Variants in MBTPS1 observed in about 807,000 individuals in gnomAD.
MBTPS1 encodes the protein membrane-bound transcription factor site-1 protease.
Under a neutral mutation model 127.8 loss-of-function variants are expected in MBTPS1, and 94 were observed. The ratio of observed to expected loss-of-function variants is 0.74; its 90% CI spans 0.62 to 0.87. The LOEUF (loss-of-function observed/expected upper bound fraction) is 0.87. MBTPS1 is among the 40% of genes least tolerant of loss of function. MBTPS1 has a pLI of 0.00. For synonymous variants in MBTPS1, 632 were observed against 509.4 expected (o/e 1.24, Z -3.24); for missense variants, 1,636 against 1,353.2 (o/e 1.21, Z -3.28).
At chr16:84,080,765 C>G (rs1315383928) in intron 11 of MBTPS1, among the ~76,000 whole-genome samples, 1 of 152,252 alleles carries the variant, frequency 6.6e-6, no homozygotes, top group Non-Finnish European at 1.5e-5. Flanking sequence ...GTCCTCCTAA[C>G]TTTTCGGTGT....
intron 1 of MBTPS1, among the ~76,000 whole-genome samples, chr16:84,112,649 G>T (rs1004903209): frequency 7.4e-6 from 1 of 135,676 alleles, no homozygotes; most frequent in Non-Finnish European, 1.5e-5. Context: ...GCAACAGAGC[G>T]AGACTCGGTC....
At chr16:84,098,331 C>A (rs2086206455) in intron 3 of MBTPS1, among the ~76,000 whole-genome samples, 1 of 152,198 alleles carries the variant, frequency 6.6e-6, no homozygotes, top group Admixed American at 6.5e-5. Context: ...AAAAATCGGG[C>A]TGGGTGCAGT....
At chr16:84,112,425 C>T (rs546729774) in intron 1 of MBTPS1, among the ~76,000 whole-genome samples, 4 of 152,140 alleles carry the variant, frequency 2.6e-5, no homozygotes, top group South Asian at 4.1e-4. Flanking sequence ...TTTGGGAGGC[C>T]GAGGCAGGCG....
rs2086222125 is a variant in MBTPS1, at chr16:84,099,277, G to C, written c.197C>G (p.Ala66Gly). The C allele has an allele frequency of 6.2e-7, 1 of 1,613,944 alleles. No individual in the cohort carries two copies. The highest frequency in any genetic ancestry group is 8.5e-7 in the Non-Finnish European group (1 of 1,179,980). Residue 66 changes from alanine (A) to glycine (G), a missense_variant, in exon 3 of 23, where the codon GCC becomes GGC. By Grantham distance (60) the Ala-to-Gly change is moderately conservative. Transcript: ENST00000343411. ...TGAAATAAATGAATTTCTAGCTTTG[G>C]CTGTAAAGTATCCATTGAAAGCCAC... ...YIVAFNGYFTAKARNSFISSA... is the reference protein window; with the variant it reads ...YIVAFNGYFTGKARNSFISSA...
intron 3 of MBTPS1, among the ~76,000 whole-genome samples, chr16:84,097,969 T>C (rs915812341): frequency 6.6e-6 from 1 of 152,010 alleles, no homozygotes; most frequent in Admixed American, 6.6e-5. Context: ...TTCCTTCTGA[T>C]GAAAGAAATG....
At chr16:84,090,982 A>G (rs1567494225) in intron 7 of MBTPS1, 40 bp from the exon 8 acceptor site, 6 of 1,279,576 alleles carry the variant, frequency 4.7e-6, no homozygotes, top group African/African-American at 1.5e-5. Context: ...TATCCCTTTC[A>G]TTAAACATAT....
At chr16:84,112,671 A>AC (rs1432941921) in intron 1 of MBTPS1, among the ~76,000 whole-genome samples, 2 of 145,768 alleles carry the variant, frequency 1.4e-5, no homozygotes, top group African/African-American at 5.0e-5. Flanking sequence ...CAAAAAAAAC[A>AC]AAAAAAAACA....
Position 84,054,371 on chromosome 16 carries a change from C to T in MBTPS1, c.*78G>A, listed in dbSNP as rs138953940. On this transcript the variant is annotated 3_prime_UTR_variant, in exon 23 of 23. Transcript: ENST00000343411. ...GAAACTGGATCCCTTTTAAACCAGC[C>T]GCCACCACAGCTCGGCTCACCCACC... is the stretch of plus-strand genomic sequence containing the variant. 12,570 of 1,340,860 alleles carry T rather than the reference C, an allele frequency of 9.4e-3. 82 individuals are homozygous for T. Among genetic ancestry groups the T allele is most frequent in the Middle Eastern group, 0.018 (93 of 5,308 alleles). The allele number at this position is 1,340,860 out of a possible 1,614,324, so 83.1% of individuals were successfully genotyped here. A position where few individuals can be genotyped will look rare whatever the true frequency, so the allele number is the denominator to read the frequency against.
chr16:84,081,822 A>T lies in MBTPS1; in HGVS notation c.1373T>A (p.Met458Lys), dbSNP rs752700722. ...GAGCTTGCCGTGGCCTTGCTCAAAC[A>T]TGTTGACCCCGGGGAGCCTCCGGGC... ...ASARRLPGVN[M>K]FEQGHGKLDL... Residue 458 changes from methionine (M) to lysine (K), a missense_variant, in exon 11 of 23, where the codon ATG becomes AAG. Met to Lys is a moderately conservative substitution (Grantham distance 95, BLOSUM62 -1). Transcript: ENST00000343411. 25 of 1,532,666 alleles carry T rather than the reference A, an allele frequency of 1.6e-5. No homozygotes were observed. The highest frequency in any genetic ancestry group is 2.1e-5 in the Non-Finnish European group (24 of 1,139,264). 94.9% of individuals were successfully genotyped at this position (1,532,666 alleles called of 1,614,324 possible).
At chr16:84,085,560 G>GCCCCCCCCC (rs2086008281) in intron 9 of MBTPS1, among the ~76,000 whole-genome samples, 1 of 104,864 alleles carries the variant, frequency 9.5e-6, no homozygotes, top group African/African-American at 3.7e-5. Context: ...GTCCCCCTCA[G>GCCCCCCCCC]CCCCGCACCC....
At chr16:84,089,185 G>A (rs1024357822) in intron 8 of MBTPS1, among the ~76,000 whole-genome samples, 4 of 152,282 alleles carry the variant, frequency 2.6e-5, no homozygotes, top group African/African-American at 9.6e-5. Flanking sequence ...CCAGGAAGGT[G>A]TACATGGGGA....
At chr16:84,068,506 A>C (rs779723565) in intron 14 of MBTPS1, 52 bp from the exon 15 acceptor site, 5 of 1,295,118 alleles carry the variant, frequency 3.9e-6, no homozygotes, top group Non-Finnish European at 5.6e-6. Flanking sequence ...ACTGGCAATA[A>C]AGGCATATCT....
At position 84,056,066 on chromosome 16, in the gene MBTPS1, C is replaced by T. The variant is rs372288313; in HGVS notation, c.2901G>A (p.Ser967=). The T allele has an allele frequency of 2.0e-4, 327 of 1,613,962 alleles. 1 individual carries two copies. Among genetic ancestry groups the T allele is most frequent in the Non-Finnish European group, 2.5e-4 (292 of 1,179,984 alleles). ...LDKVVLPNFR[S]NRPQVRPLSP... ...ACAAGGGCCTCACTTGAGGGCGATT[C>T]GATCGAAAGTTGGGTAACACCACCT... is the stretch of plus-strand genomic sequence containing the variant. Residue 967 remains serine, a synonymous_variant, in exon 22 of 23, where the codon TCG becomes TCA. Coordinates refer to ENST00000343411, the MANE Select transcript of MBTPS1 (RefSeq NM_003791.4).
chr16:84,087,490 A>G (rs544968669), intron 8 of MBTPS1, 30 bp from the exon 9 acceptor site: 2 of 1,318,024 alleles, frequency 1.5e-6, no homozygotes, highest in African/African-American at 1.6e-5. Flanking sequence ...AAAAAAAAAG[A>G]AAAGAAAAAG....
At chr16:84,073,354 G>C (rs1045493717) in intron 12 of MBTPS1, among the ~76,000 whole-genome samples, 1 of 152,036 alleles carries the variant, frequency 6.6e-6, no homozygotes, top group Admixed American at 6.6e-5. Flanking sequence ...GGATGGTCTC[G>C]ATCTCTTGAC....
rs748128532 is a variant in MBTPS1, at chr16:84,069,910, A to G, written c.1911T>C (p.Tyr637=). The change falls in exon 14 of 23, where the codon TAT becomes TAC. Residue 637 remains tyrosine, a synonymous_variant. Coordinates refer to ENST00000343411, the MANE Select transcript of MBTPS1 (RefSeq NM_003791.4). ...QYHNLRYPPG[Y]FPRDNLRMKN... is the part of the protein sequence containing the mutation. ...TCATCCTTAAATTATCCCTGGGGAA[A>G]TAGCCAGGTGGATAGCGGAGGTTGT... is the stretch of plus-strand genomic sequence containing the variant. The G allele has an allele frequency of 4.3e-6, 7 of 1,614,206 alleles. No homozygotes were observed. The South Asian group carries it at 7.7e-5, about 18-fold the overall frequency.
chr16:84,073,729 G>C (rs2085807504), intron 12 of MBTPS1, among the ~76,000 whole-genome samples: 1 of 152,120 alleles, frequency 6.6e-6, no homozygotes, highest in Non-Finnish European at 1.5e-5. Context: ...ATACTGGCTG[G>C]TGCGGTGGCT....
rs781063268 is a variant in MBTPS1 at position 84,095,612 on chromosome 16, C to T, written c.615G>A (p.Met205Ile). 6 of 1,614,190 alleles carry T rather than the reference C, an allele frequency of 3.7e-6. No homozygotes were observed. Among genetic ancestry groups the T allele is most frequent in the Non-Finnish European group, 5.1e-6 (6 of 1,180,024 alleles). The change falls in exon 4 of 23, where the codon ATG (methionine) becomes ATA (isoleucine). Residue 205 changes from methionine (M) to isoleucine (I), a missense_variant. By Grantham distance (10) the Met-to-Ile change is conservative (BLOSUM62 1). Coordinates refer to ENST00000343411, the MANE Select transcript of MBTPS1 (RefSeq NM_003791.4). ...QTLQADVLWQMGYTGANVRVA... is the reference protein window; with the variant it reads ...QTLQADVLWQIGYTGANVRVA... ...GGTAATAGCACACACCTGTATATCC[C>T]ATCTGCCAGAGCACATCTGCCTGCA...
At chr16:84,058,056 G>A (rs1487651649) in intron 21 of MBTPS1, 2 of 152,130 alleles carry the variant, frequency 1.3e-5, no homozygotes, top group African/African-American at 4.8e-5. Flanking sequence ...TAAATAAGAT[G>A]CAAAAATGGA....
Sources: allele counts gnomAD v4.1 joint callset (sites outside exome capture counted in the v4.1 genomes callset), GRCh38; gene constraint gnomAD v4.1.1; transcripts MANE v1.5; gene names NCBI Gene and HGNC (gene_info 2026-07-23, HGNC 2026-07-21).